Variants in SMCHD1 observed in about 807,000 individuals in gnomAD.
SMCHD1 encodes the protein structural maintenance of chromosomes flexible hinge domain containing 1, also known as structural maintenance of chromosomes flexible hinge domain-containing protein 1.
SMCHD1 carries 78 observed loss-of-function variants against 254.7 expected under a neutral mutation model. The ratio of observed to expected loss-of-function variants is 0.31; its 90% CI spans 0.26 to 0.37. The LOEUF is 0.37. Among genes scored for constraint, SMCHD1 ranks in the 10% least tolerant of loss-of-function variants. The probability of loss-of-function intolerance (pLI) is 1.00; values close to 1 mark genes in which losing one functional copy is unlikely to be tolerated. For missense variants in SMCHD1, 1,840 were observed against 2,408.1 expected (o/e 0.76, Z 4.94); for synonymous variants, 766 against 794.9 (o/e 0.96, Z 0.61).
chr18:2,743,965 A>G, intron 29 of SMCHD1, 37 bp downstream of exon 29: 2 of 1,502,314 alleles, frequency 1.3e-6, no homozygotes, highest in Non-Finnish European at 9.0e-7. Flanking sequence ...AGAATTTAAT[A>G]TCATATGGCT....
At position 2,674,102 on chromosome 18, in the gene SMCHD1, G is replaced by A. The variant is rs2073683695; in HGVS notation, c.595G>A (p.Val199Met). 1.2e-6 allele frequency: 2 copies of A among 1,602,212 alleles called. No individual in the cohort carries two copies. The highest frequency in any genetic ancestry group is 8.5e-7 in the Non-Finnish European group (1 of 1,174,698). ...MTSKQLNNWAVYRLSKFTRQG... is the reference protein window; with the variant it reads ...MTSKQLNNWAMYRLSKFTRQG... ...CTCTAAACAGCTTAACAACTGGGCC[G>A]TGTATAGGTTGTCAAAATTCACAAG... is the stretch of plus-strand genomic sequence containing the variant. The change falls in exon 5 of 48, where the codon GTG (valine) becomes ATG (methionine). Residue 199 changes from valine to methionine, a missense_variant. Coordinates refer to ENST00000320876, the MANE Select transcript of SMCHD1 (RefSeq NM_015295.3).
intron 1 of SMCHD1, among the ~76,000 whole-genome samples, chr18:2,661,335 TA>T (rs34594870): frequency 0.14 from 19,463 of 143,946 alleles, 3,251 homozygotes; most frequent in African/African-American, 0.4. Flanking sequence ...TCCAGGAACT[TA>T]AAAAAAAAAA....
chr18:2,776,852 A>G (rs1034966043), intron 42 of SMCHD1, among the ~76,000 whole-genome samples: 2 of 152,196 alleles, frequency 1.3e-5, no homozygotes, highest in Non-Finnish European at 2.9e-5. Context: ...AAGGAACAGC[A>G]TGGGAAATCC....
chr18:2,795,102 C>T (rs1329879882), intron 45 of SMCHD1, among the ~76,000 whole-genome samples: 1 of 151,878 alleles, frequency 6.6e-6, no homozygotes, highest in South Asian at 2.1e-4. Context: ...CTCTGTCACC[C>T]AGGCTGAATG....
chr18:2,787,674 C>T (rs2076260916), intron 45 of SMCHD1, among the ~76,000 whole-genome samples: 1 of 152,180 alleles, frequency 6.6e-6, no homozygotes, highest in African/African-American at 2.4e-5. Flanking sequence ...AAAAAATACA[C>T]AGATGTCATA....
At chr18:2,734,822 C>G (rs1287894451) in intron 25 of SMCHD1, among the ~76,000 whole-genome samples, 1 of 152,076 alleles carries the variant, frequency 6.6e-6, no homozygotes, top group South Asian at 2.1e-4. Context: ...GTAATCCTAG[C>G]ACTTTGGGAG....
At chr18:2,749,980 GA>G (rs2075540765) in intron 30 of SMCHD1, 62 bp from the exon 31 acceptor site, 5 of 1,387,602 alleles carry the variant, frequency 3.6e-6, no homozygotes, top group Non-Finnish European at 4.9e-6. Context: ...TGTAATGGAA[GA>G]AAAGAACTTG....
rs372671980 is a variant in SMCHD1 at position 2,670,279 on chromosome 18, G to C, written c.425-3002G>C. ...CCATATTCTCAGCTTAGGGCCCTCT[G>C]CTTGGAATGCTTTTCCTCCAGTTAG... On this transcript the variant is annotated intron_variant, in intron 3 of 47. Transcript: ENST00000320876. 1.2e-3 allele frequency among the ~76,000 whole-genome samples: 186 copies of C among 152,102 alleles called. No homozygotes were observed. The Middle Eastern group carries it at 0.02, about 17-fold the overall frequency.
chr18:2,720,441 A>G (rs1351350122), intron 19 of SMCHD1, among the ~76,000 whole-genome samples: 3 of 152,122 alleles, frequency 2.0e-5, no homozygotes, highest in Non-Finnish European at 4.4e-5. Flanking sequence ...CCTGATTCAT[A>G]GTTTGTTTCC....
chr18:2,735,675 G>A (rs1462090838), intron 25 of SMCHD1, among the ~76,000 whole-genome samples: 3 of 151,996 alleles, frequency 2.0e-5, no homozygotes, highest in Admixed American at 6.6e-5. Flanking sequence ...ATTTACGGTA[G>A]CCACAAAAAA....
intron 17 of SMCHD1, among the ~76,000 whole-genome samples, chr18:2,711,369 A>C (rs373257167): frequency 3.3e-5 from 5 of 150,910 alleles, no homozygotes; most frequent in African/African-American, 7.3e-5. Flanking sequence ...AAGTGTTAGG[A>C]TTACAGGCAT....
chr18:2,655,943 A>G lies in SMCHD1; in HGVS notation c.-133A>G. The G allele has an allele frequency of 1.6e-6, 1 of 609,424 alleles. No homozygotes were observed. The highest frequency in any genetic ancestry group is 4.5e-5 in the Admixed American group (1 of 22,450). 37.8% of individuals were successfully genotyped at this position (609,424 alleles called of 1,614,324 possible). A position where few individuals can be genotyped will look rare whatever the true frequency, so the allele number is the denominator to read the frequency against. On this transcript the variant is annotated 5_prime_UTR_variant, in exon 1 of 48. Transcript: ENST00000320876. Reference sequence around the variant, plus strand: ...CGCTGCTCGGCCGCCGCCGCTGACGAGGAGCTGCAGCGCGCCGGGCCGAGG... The same window carrying G: ...CGCTGCTCGGCCGCCGCCGCTGACGGGGAGCTGCAGCGCGCCGGGCCGAGG...
intron 5 of SMCHD1, among the ~76,000 whole-genome samples, chr18:2,682,395 C>G (rs1478949644): frequency 6.6e-6 from 1 of 150,774 alleles, no homozygotes; most frequent in Non-Finnish European, 1.5e-5. Context: ...GGCGTGATTT[C>G]AGCTCACTGC....
At chr18:2,736,103 T>G (rs2075244173) in intron 25 of SMCHD1, among the ~76,000 whole-genome samples, 1 of 152,112 alleles carries the variant, frequency 6.6e-6, no homozygotes, top group Non-Finnish European at 1.5e-5. Flanking sequence ...GAAATAAAAC[T>G]GTACACATAC....
intron 17 of SMCHD1, among the ~76,000 whole-genome samples, chr18:2,713,523 A>G (rs2074726388): frequency 7.4e-6 from 1 of 135,074 alleles, no homozygotes; most frequent in Non-Finnish European, 1.6e-5. Context: ...GTCTCTACTA[A>G]GAAGTAAAAA....
At position 2,690,326 on chromosome 18, in the gene SMCHD1, A is replaced by G. The variant is rs189649081; in HGVS notation, c.873+1579A>G. On this transcript the variant is annotated intron_variant, in intron 7 of 47. Transcript: ENST00000320876. Reference sequence around the variant, plus strand: ...CCTTCAATGAATGTAACATAATTTCATGATTCTGTTGAGCATTTGGCTTAT... The same window carrying G: ...CCTTCAATGAATGTAACATAATTTCGTGATTCTGTTGAGCATTTGGCTTAT... Among the ~76,000 whole-genome samples the G allele has an allele frequency of 8.5e-5, 13 of 152,284 alleles. No homozygotes were observed. The East Asian group carries it at 2.1e-3, about 25-fold the overall frequency.
chr18:2,727,536 C>T (rs1205227239), intron 22 of SMCHD1, among the ~76,000 whole-genome samples: 1 of 151,968 alleles, frequency 6.6e-6, no homozygotes, highest in Admixed American at 6.6e-5. Flanking sequence ...CTAGATAGTT[C>T]TTTTTGTGGG....
chr18:2,766,181 G>A (rs535875644), intron 37 of SMCHD1, among the ~76,000 whole-genome samples: 5 of 152,182 alleles, frequency 3.3e-5, no homozygotes, highest in Non-Finnish European at 5.9e-5. Context: ...TTTTAGTAGC[G>A]ACGGGGTTTC....
In SMCHD1 at chr18:2,718,575, A is replaced by C. The variant is rs2143369589; in HGVS notation, c.2458+141A>C. ...TTATTTTATTTTCTTACTTACTTTG[A>C]GATGGGGTCTCATTCTGTCACCCAG... On this transcript the variant is annotated intron_variant, in intron 19 of 47. Coordinates refer to ENST00000320876, the MANE Select transcript of SMCHD1 (RefSeq NM_015295.3). The surrounding 1 kb of genome is among the most constrained non-coding windows in gnomAD (Gnocchi z 4.6). 1 of 727,022 alleles carries C rather than the reference A, an allele frequency of 1.4e-6. No individual in the cohort carries two copies. Among genetic ancestry groups the C allele is most frequent in the East Asian group, 3.2e-5 (1 of 31,514 alleles). The allele number at this position is 727,022 out of a possible 1,614,324, so 45.0% of individuals were successfully genotyped here.
Sources: allele counts gnomAD v4.1 joint callset (sites outside exome capture counted in the v4.1 genomes callset), GRCh38; gene constraint gnomAD v4.1.1; non-coding constraint Gnocchi (gnomAD v3.1); transcripts MANE v1.5; gene names NCBI Gene and HGNC (gene_info 2026-07-23, HGNC 2026-07-21).